The following GPC6 variants were observed in gnomAD, a reference collection of about 807,000 sequenced individuals.
GPC6 encodes the protein glypican 6, also known as glypican-6.
In GPC6, 14 loss-of-function variants were observed where a neutral mutation model predicts 55.2. That is an observed-to-expected ratio of 0.25 (90% CI 0.17 to 0.40). The LOEUF (loss-of-function observed/expected upper bound fraction) is 0.40. Ranked by LOEUF, GPC6 falls within the 10% of genes least tolerant of loss-of-function variation. The pLI, the probability that GPC6 is intolerant of heterozygous loss-of-function variation, is 1.00. For missense variants in GPC6, 641 were observed against 708.5 expected, an observed-to-expected ratio of 0.90 and a Z score of 1.08; for synonymous variants, 278 against 259.6, an observed-to-expected ratio of 1.07 and a Z score of -0.68.
chr13:94,204,495 G>A (rs1358442172), intron 4 of GPC6, among the ~76,000 whole-genome samples: 1 of 152,142 alleles, frequency 6.6e-6, no homozygotes, highest in Non-Finnish European at 1.5e-5. Flanking sequence ...TGAAGTGGGA[G>A]TATTTCACTG....
intron 1 of GPC6, among the ~76,000 whole-genome samples, chr13:93,446,745 A>T (rs1021862800): frequency 8.5e-5 from 13 of 152,290 alleles, no homozygotes; most frequent in African/African-American, 3.1e-4. Flanking sequence ...GTTAGATTCG[A>T]TGTTTGCTTT....
chr13:93,697,377 T>C (rs766408140), intron 2 of GPC6, among the ~76,000 whole-genome samples: 1 of 152,272 alleles, frequency 6.6e-6, no homozygotes, highest in East Asian at 1.9e-4. Flanking sequence ...CTTCATAAAA[T>C]AGCCATGCAC....
chr13:93,423,546 CTTTCAGTTGT>C (rs924842444), intron 1 of GPC6, among the ~76,000 whole-genome samples: 9 of 151,764 alleles, frequency 5.9e-5, no homozygotes, highest in Non-Finnish European at 1.3e-4. Context: ...TAATTTATTG[CTTTCAGTTGT>C]TTTCAGATCT....
intron 6 of GPC6, among the ~76,000 whole-genome samples, chr13:94,373,457 C>T (rs986218866): frequency 4.6e-5 from 7 of 151,914 alleles, no homozygotes; most frequent in Non-Finnish European, 1.0e-4. Flanking sequence ...TGGAAGAAAG[C>T]GTATCAGCAA....
At chr13:94,091,908 TTGTG>T (rs61061006) in intron 4 of GPC6, among the ~76,000 whole-genome samples, 62 of 148,366 alleles carry the variant, frequency 4.2e-4, no homozygotes, top group Middle Eastern at 3.4e-3. Flanking sequence ...GTGTGTGTGT[TTGTG>T]TGTGTGTGTG....
intron 1 of GPC6, among the ~76,000 whole-genome samples, chr13:93,290,987 A>C (rs1054356031): frequency 4.6e-5 from 7 of 152,146 alleles, no homozygotes; most frequent in African/African-American, 1.7e-4. Context: ...TTGTAACCAG[A>C]ATTACTAATT....
At chr13:93,336,611 A>T (rs1880054075) in intron 1 of GPC6, among the ~76,000 whole-genome samples, 1 of 152,180 alleles carries the variant, frequency 6.6e-6, no homozygotes, top group East Asian at 1.9e-4. Context: ...TTTATTTGGA[A>T]TTTAAAAAGG....
chr13:94,271,756 T>A (rs1892034921), intron 4 of GPC6, among the ~76,000 whole-genome samples: 1 of 152,118 alleles, frequency 6.6e-6, no homozygotes, highest in Non-Finnish European at 1.5e-5. Context: ...TTTCTCTCTT[T>A]CTCTGTCTCC....
intron 4 of GPC6, among the ~76,000 whole-genome samples, chr13:94,148,640 T>C (rs1182907006): frequency 6.6e-6 from 1 of 152,208 alleles, no homozygotes; most frequent in Non-Finnish European, 1.5e-5. Flanking sequence ...TTTGACATTC[T>C]AGTTTAGGCA....
chr13:93,955,445 C>G (rs778547196), intron 3 of GPC6, among the ~76,000 whole-genome samples: 2 of 152,168 alleles, frequency 1.3e-5, no homozygotes, highest in Non-Finnish European at 2.9e-5. Context: ...ATATCAATCA[C>G]ACATGCTCAT....
the GPC6 span, among the ~76,000 whole-genome samples, chr13:93,217,632 A>T: frequency 2.6e-5 from 4 of 152,226 alleles, no homozygotes; most frequent in African/African-American, 9.6e-5. Context: ...TAAGTCAGGC[A>T]GCAAGTTACA....
chr13:93,738,311 C>T (rs1199528887), intron 2 of GPC6, among the ~76,000 whole-genome samples: 2 of 152,198 alleles, frequency 1.3e-5, no homozygotes, highest in East Asian at 3.9e-4. Context: ...CTACAGTAGA[C>T]AGAAGTTGTT....
intron 6 of GPC6, among the ~76,000 whole-genome samples, chr13:94,322,699 G>A (rs1345714687): frequency 6.6e-6 from 1 of 151,996 alleles, no homozygotes. Flanking sequence ...TTTCTTAAAA[G>A]AAAAGCACTT....
At chr13:93,714,390 C>G (rs190233097) in intron 2 of GPC6, among the ~76,000 whole-genome samples, 1 of 152,062 alleles carries the variant, frequency 6.6e-6, no homozygotes, top group Non-Finnish European at 1.5e-5. Context: ...GAGATACCAT[C>G]TCACACCAGT....
chr13:93,404,671 T>G (rs1555297340), intron 1 of GPC6, among the ~76,000 whole-genome samples: 1 of 152,186 alleles, frequency 6.6e-6, no homozygotes, highest in Non-Finnish European at 1.5e-5. Flanking sequence ...GGAAAAATTT[T>G]GGGATTTCCC....
chr13:93,280,472 C>T (rs1328169214), intron 1 of GPC6, among the ~76,000 whole-genome samples: 1 of 152,190 alleles, frequency 6.6e-6, no homozygotes, highest in Non-Finnish European at 1.5e-5. Context: ...TCATACTTTC[C>T]TCACTTTAAG....
intron 4 of GPC6, among the ~76,000 whole-genome samples, chr13:94,041,834 T>G (rs1883546006): frequency 6.6e-6 from 1 of 151,878 alleles, no homozygotes; most frequent in African/African-American, 2.4e-5. Context: ...TTTTTAGCAT[T>G]TGTTTCAAAA....
In GPC6 at chr13:93,402,936, C is replaced by A. The variant is rs1177585681; in HGVS notation, c.161-142327C>A. Among the ~76,000 whole-genome samples the A allele has an allele frequency of 2.6e-5, 4 of 151,920 alleles. No homozygotes were observed. The South Asian group carries it at 8.3e-4, about 31-fold the overall frequency. Reference sequence around the variant, plus strand: ...GAGTATACATATCTTGAAAAATCATCGCTTTGAGATAATTTTTTTAAAAAA... The same window carrying A: ...GAGTATACATATCTTGAAAAATCATAGCTTTGAGATAATTTTTTTAAAAAA... On this transcript the variant is annotated intron_variant, in intron 1 of 8. Coordinates refer to ENST00000377047, the MANE Select transcript of GPC6 (RefSeq NM_005708.5).
intron 6 of GPC6, among the ~76,000 whole-genome samples, chr13:94,314,908 G>A (rs1408005516): frequency 2.6e-5 from 4 of 152,150 alleles, no homozygotes; most frequent in African/African-American, 9.7e-5. Flanking sequence ...ACTCTTTACT[G>A]CTAGCAATAA....
Sources: gnomAD v4.1 joint callset for allele counts (sites outside exome capture counted in the v4.1 genomes callset) on GRCh38, gnomAD v4.1.1 for gene constraint, MANE v1.5 for transcripts, NCBI Gene and HGNC (gene_info 2026-07-23, HGNC 2026-07-21) for gene names.